CRY1: variants seen among roughly 807,000 people sequenced by gnomAD.
The protein encoded by CRY1 is cryptochrome-1.
Under a neutral mutation model 76.0 loss-of-function variants are expected in CRY1, and 45 were observed. The ratio of observed to expected loss-of-function variants is 0.59; its 90% CI spans 0.47 to 0.76. CRY1 has a LOEUF of 0.76. CRY1 is among the 30% of genes least tolerant of loss of function. CRY1 has a pLI of 0.00. For missense variants in CRY1, 587 were observed against 716.4 expected (o/e 0.82, Z 2.06); for synonymous variants, 248 against 244.0 (o/e 1.02, Z -0.15).
At chr12:107,033,068 A>C (rs181959110) in intron 1 of CRY1, among the ~76,000 whole-genome samples, 22 of 152,290 alleles carry the variant, frequency 1.4e-4, no homozygotes, top group Admixed American at 7.8e-4. Context: ...ATTTTTTAAA[A>C]AGTGGGGACA....
intron 1 of CRY1, among the ~76,000 whole-genome samples, chr12:107,086,367 G>A (rs552509866): frequency 6.6e-6 from 1 of 152,262 alleles, no homozygotes; most frequent in East Asian, 1.9e-4. Context: ...ACCAGGCCCT[G>A]ACAGAACAGG....
chr12:107,093,164 T>G lies in CRY1; in HGVS notation c.-203A>C. 1 of 571,792 alleles carries G rather than the reference T, an allele frequency of 1.7e-6. No individual in the cohort carries two copies. The highest frequency in any genetic ancestry group is 2.9e-6 in the Non-Finnish European group (1 of 349,190). The allele number at this position is 571,792 out of a possible 1,614,324, so 35.4% of individuals were successfully genotyped here. On this transcript the variant is annotated 5_prime_UTR_variant, in exon 1 of 13. Transcript: ENST00000008527. ...GCGCAGTGGAAAGATGAATGGAGGT[T>G]GCCTAGTCGGCGGAGTCCGGGTGTG...
chr12:106,996,520 G>A (rs1477007667), intron 10 of CRY1, among the ~76,000 whole-genome samples: 1 of 152,122 alleles, frequency 6.6e-6, no homozygotes, highest in East Asian at 1.9e-4. Context: ...TGGTATTCCT[G>A]CTTCTAGATC....
chr12:107,075,639 C>T (rs1593540733), intron 1 of CRY1, among the ~76,000 whole-genome samples: 1 of 152,302 alleles, frequency 6.6e-6, no homozygotes, highest in African/African-American at 2.4e-5. Flanking sequence ...GACATACTGA[C>T]ACCCACCCTG....
chr12:107,069,663 T>A (rs1324699473), intron 1 of CRY1, among the ~76,000 whole-genome samples: 144 of 137,594 alleles, frequency 1.0e-3, no homozygotes, highest in African/African-American at 3.5e-3. Context: ...AAAGTATATA[T>A]AAAGTATATA....
chr12:107,069,088 T>G (rs1953147617), intron 1 of CRY1, among the ~76,000 whole-genome samples: 1 of 152,216 alleles, frequency 6.6e-6, no homozygotes, highest in South Asian at 2.1e-4. Flanking sequence ...GTGAGTGATA[T>G]TGCTGGTAAT....
intron 1 of CRY1, among the ~76,000 whole-genome samples, chr12:107,048,284 G>A (rs894605313): frequency 7.2e-5 from 11 of 152,012 alleles, no homozygotes; most frequent in Admixed American, 2.0e-4. Flanking sequence ...GTTTCACTAC[G>A]TTGGCCAGGC....
intron 1 of CRY1, among the ~76,000 whole-genome samples, chr12:107,075,771 G>A (rs955014142): frequency 1.3e-5 from 2 of 152,172 alleles, no homozygotes; most frequent in Non-Finnish European, 2.9e-5. Flanking sequence ...GGCTTTTACA[G>A]TAATCTTGTA....
chr12:106,997,930 T>C lies in CRY1; in HGVS notation c.1274A>G (p.Asn425Ser), dbSNP rs200276160. 113 of 1,614,032 alleles carry C rather than the reference T, an allele frequency of 7.0e-5. No homozygotes were observed. Among genetic ancestry groups the C allele is most frequent in the Middle Eastern group, 3.3e-4 (2 of 6,060 alleles). The part of the protein sequence containing the change: ...PVGFGRRTDP[N>S]GDYIRRYLPV... ...CTTGATTTACCTGATATAGTCTCCATTGGGATCTGTTCTCCTACCAAAACC... is the reference window on the plus strand; with the variant it reads ...CTTGATTTACCTGATATAGTCTCCACTGGGATCTGTTCTCCTACCAAAACC... Residue 425 changes from asparagine (N) to serine (S), a missense_variant, in exon 8 of 13, where the codon AAT (asparagine) becomes AGT (serine). Asn to Ser is a conservative substitution (Grantham distance 46). Transcript: ENST00000008527.
intron 1 of CRY1, among the ~76,000 whole-genome samples, chr12:107,064,216 C>T (rs1327812565): frequency 1.3e-5 from 2 of 151,874 alleles, no homozygotes; most frequent in African/African-American, 4.8e-5. Flanking sequence ...ATAAACTAGG[C>T]AAAGAGAGAC....
chr12:107,067,480 AC>A (rs1448442914), intron 1 of CRY1, among the ~76,000 whole-genome samples: 4 of 152,038 alleles, frequency 2.6e-5, no homozygotes, highest in Non-Finnish European at 5.9e-5. Context: ...GGCATGCACA[AC>A]TTTTATGATT....
At chr12:106,996,466 T>C (rs1952235160) in intron 10 of CRY1, among the ~76,000 whole-genome samples, 1 of 152,268 alleles carries the variant, frequency 6.6e-6, no homozygotes, top group Non-Finnish European at 1.5e-5. Flanking sequence ...GAATGATTTA[T>C]ATTCCTTTGG....
intron 2 of CRY1, among the ~76,000 whole-genome samples, chr12:107,010,121 C>T (rs552985190): frequency 1.6e-4 from 18 of 114,286 alleles, no homozygotes; most frequent in African/African-American, 6.9e-4. Context: ...TAAATTATAC[C>T]TTTCAAGAAA....
At chr12:107,011,854 T>C (rs2136834339) in intron 2 of CRY1, among the ~76,000 whole-genome samples, 3 of 152,326 alleles carry the variant, frequency 2.0e-5, no homozygotes, top group African/African-American at 7.2e-5. Context: ...CAGCCTTCTA[T>C]TGGAAGAAGA....
At chr12:107,010,087 T>C (rs1952426094) in intron 2 of CRY1, among the ~76,000 whole-genome samples, 1 of 152,108 alleles carries the variant, frequency 6.6e-6, no homozygotes, top group African/African-American at 2.4e-5. Context: ...TCAGGTTTTC[T>C]TTTTCTTCTT....
At position 107,054,650 on chromosome 12, in the gene CRY1, G is replaced by GA. The variant is rs112933503; in HGVS notation, c.159-32459dup. Reference sequence around the variant, plus strand: ...ACATCTAAAAGACTCCAGAAAGTTTGAAAAAAAAAAAAAGGGATACAAAAA... The same window carrying GA: ...ACATCTAAAAGACTCCAGAAAGTTTGAAAAAAAAAAAAAAGGGATACAAAAA... On this transcript the variant is annotated intron_variant, in intron 1 of 12. Transcript: ENST00000008527. 4.4e-3 allele frequency among the ~76,000 whole-genome samples: 432 copies of GA among 98,748 alleles called. 6 individuals carry two copies. The East Asian group carries it at 0.066, about 15-fold the overall frequency. 64.8% of individuals were successfully genotyped at this position (98,748 alleles called of 152,430 possible).
At chr12:107,042,183 G>C (rs555322700) in intron 1 of CRY1, among the ~76,000 whole-genome samples, 5 of 152,228 alleles carry the variant, frequency 3.3e-5, no homozygotes, top group Non-Finnish European at 7.4e-5. Context: ...CATTACAGAA[G>C]AATTCCAACT....
At chr12:107,082,502 C>A (rs1218164433) in intron 1 of CRY1, among the ~76,000 whole-genome samples, 1 of 152,170 alleles carries the variant, frequency 6.6e-6, no homozygotes, top group Non-Finnish European at 1.5e-5. Flanking sequence ...GTCTCTCAGA[C>A]CACAGTGCAA....
chr12:107,068,755 T>C (rs1406038514), intron 1 of CRY1, among the ~76,000 whole-genome samples: 2 of 152,138 alleles, frequency 1.3e-5, no homozygotes, highest in Non-Finnish European at 2.9e-5. Context: ...TCTCTATTTT[T>C]CCCCCTGCCC....
Sources: allele counts gnomAD v4.1 joint callset (sites outside exome capture counted in the v4.1 genomes callset), GRCh38; gene constraint gnomAD v4.1.1; transcripts MANE v1.5; gene names NCBI Gene and HGNC (gene_info 2026-07-23, HGNC 2026-07-21).